NAV2: variants seen among roughly 807,000 people sequenced by gnomAD.
The protein encoded by NAV2 is neuron navigator 2.
Under a neutral mutation model 223.2 loss-of-function variants are expected in NAV2, and 54 were observed. The ratio of observed to expected loss-of-function variants is 0.24; its 90% CI spans 0.19 to 0.30. The LOEUF is 0.30. Ranked by LOEUF, NAV2 falls within the 10% of genes least tolerant of loss-of-function variation. The pLI, the probability that NAV2 is intolerant of heterozygous loss-of-function variation, is 1.00. For missense variants in NAV2, 2,806 were observed against 3,147.5 expected (o/e 0.89, Z 2.60); for synonymous variants, 1,279 against 1,239.3 (o/e 1.03, Z -0.67).
At chr11:19,569,868 G>A (rs972764830) in intron 1 of NAV2, among the ~76,000 whole-genome samples, 2 of 152,148 alleles carry the variant, frequency 1.3e-5, no homozygotes, top group African/African-American at 4.8e-5. Flanking sequence ...CAGAGTTGCT[G>A]CTTTATAAGG....
chr11:19,640,427 A>G (rs543027848), intron 1 of NAV2, among the ~76,000 whole-genome samples: 3 of 151,504 alleles, frequency 2.0e-5, no homozygotes, highest in Non-Finnish European at 4.4e-5. Flanking sequence ...CATATAATAT[A>G]TACTACATAT....
intron 6 of NAV2, among the ~76,000 whole-genome samples, chr11:19,914,141 G>A (rs1254574114): frequency 1.3e-5 from 2 of 152,198 alleles, no homozygotes; most frequent in Non-Finnish European, 2.9e-5. Context: ...CTATGAATGA[G>A]AACTTTTCTT....
At chr11:20,026,343 C>G (rs1395032175) in intron 11 of NAV2, among the ~76,000 whole-genome samples, 1 of 151,950 alleles carries the variant, frequency 6.6e-6, no homozygotes, top group Non-Finnish European at 1.5e-5. Flanking sequence ...CAGAGTCTCA[C>G]TCTGTCACCC....
chr11:19,436,214 T>C (rs1851210419), intron 1 of NAV2, among the ~76,000 whole-genome samples: 1 of 152,190 alleles, frequency 6.6e-6, no homozygotes, highest in Non-Finnish European at 1.5e-5. Flanking sequence ...GATATTTAAG[T>C]GTTTAAGTCT....
At chr11:19,404,515 A>C (rs1849813116) in intron 1 of NAV2, among the ~76,000 whole-genome samples, 2 of 150,182 alleles carry the variant, frequency 1.3e-5, no homozygotes, top group African/African-American at 4.9e-5. Flanking sequence ...ATCAACCTTC[A>C]GCTTTCTGTG....
chr11:19,737,075 C>A (rs1351891608), intron 1 of NAV2, among the ~76,000 whole-genome samples: 1 of 152,242 alleles, frequency 6.6e-6, no homozygotes, highest in African/African-American at 2.4e-5. Flanking sequence ...CAAGGCAACA[C>A]CACTGGGGTA....
At chr11:19,748,419 G>A (rs2053548724) in intron 1 of NAV2, among the ~76,000 whole-genome samples, 1 of 152,242 alleles carries the variant, frequency 6.6e-6, no homozygotes, top group Non-Finnish European at 1.5e-5. Flanking sequence ...GCCACTGGAA[G>A]TGTCACAATC....
chr11:19,901,179 C>T (rs1438542189), intron 6 of NAV2, among the ~76,000 whole-genome samples: 1 of 152,216 alleles, frequency 6.6e-6, no homozygotes, highest in Non-Finnish European at 1.5e-5. Context: ...GTTTACATTT[C>T]ACACCCATGA....
intron 1 of NAV2, among the ~76,000 whole-genome samples, chr11:19,381,688 C>T (rs559367404): frequency 6.6e-6 from 1 of 152,274 alleles, no homozygotes; most frequent in East Asian, 1.9e-4. Context: ...GGGAGAGGAA[C>T]AGGTCAGCAC....
At chr11:19,369,889 A>C (rs182195970) in intron 1 of NAV2, among the ~76,000 whole-genome samples, 98 of 152,282 alleles carry the variant, frequency 6.4e-4, no homozygotes, top group African/African-American at 2.2e-3. Flanking sequence ...ATTTCCAATC[A>C]AGTCTTTTGA....
intron 1 of NAV2, chr11:19,502,592 T>C (rs2042994819): frequency 6.6e-6 from 1 of 152,246 alleles, no homozygotes; most frequent in Non-Finnish European, 1.5e-5. Context: ...GTTATACCTC[T>C]GTTTTCCCAT....
At chr11:19,446,141 G>A (rs2632017) in intron 1 of NAV2, among the ~76,000 whole-genome samples, 138,983 of 152,232 alleles carry the variant, frequency 0.91, 63,509 homozygotes, top group Middle Eastern at 0.95. Flanking sequence ...GAAAAACAAC[G>A]ATTTGATTAT....
intron 1 of NAV2, among the ~76,000 whole-genome samples, chr11:19,808,779 G>C (rs2058709745): frequency 6.6e-6 from 1 of 152,166 alleles, no homozygotes; most frequent in Non-Finnish European, 1.5e-5. Context: ...TTTCCCCTTA[G>C]AAATAAATCT....
intron 1 of NAV2, among the ~76,000 whole-genome samples, chr11:19,809,316 A>G (rs980716732): frequency 2.0e-5 from 3 of 152,230 alleles, no homozygotes; most frequent in African/African-American, 7.2e-5. Flanking sequence ...ACATCAGGCT[A>G]GCATTCTGCC....
intron 1 of NAV2, among the ~76,000 whole-genome samples, chr11:19,375,805 A>G (rs1457226592): frequency 6.6e-6 from 1 of 152,000 alleles, no homozygotes; most frequent in Non-Finnish European, 1.5e-5. Flanking sequence ...ACAGCTCTTT[A>G]TTTTTTATCT....
At chr11:19,685,555 T>G (rs749567709) in intron 1 of NAV2, among the ~76,000 whole-genome samples, 52 of 152,158 alleles carry the variant, frequency 3.4e-4, no homozygotes, top group Non-Finnish European at 7.2e-4. Context: ...TTAAATTCCT[T>G]CATTCTGCAA....
intron 1 of NAV2, among the ~76,000 whole-genome samples, chr11:19,587,448 T>A (rs2135101855): frequency 6.6e-6 from 1 of 152,288 alleles, no homozygotes; most frequent in Admixed American, 6.5e-5. Context: ...AACGCAGAAA[T>A]CACCCATCTT....
At chr11:20,089,723 A>T (rs1307622488) in intron 26 of NAV2, among the ~76,000 whole-genome samples, 1 of 151,970 alleles carries the variant, frequency 6.6e-6, no homozygotes, top group Non-Finnish European at 1.5e-5. Flanking sequence ...TCACAGAACT[A>T]TTTTTTTTAA....
intron 1 of NAV2, among the ~76,000 whole-genome samples, chr11:19,718,538 T>G (rs1353232820): frequency 6.6e-6 from 1 of 151,942 alleles, no homozygotes; most frequent in Non-Finnish European, 1.5e-5. Flanking sequence ...CTGTGGCAAC[T>G]TTGCTCCATT....
Sources: allele counts gnomAD v4.1 joint callset (sites outside exome capture counted in the v4.1 genomes callset), GRCh38; gene constraint gnomAD v4.1.1; transcripts MANE v1.5; gene names NCBI Gene and HGNC (gene_info 2026-07-23, HGNC 2026-07-21).